ARHGAP28: variants seen among roughly 807,000 people sequenced by gnomAD.
ARHGAP28 encodes Rho GTPase activating protein 28.
Under a neutral mutation model 90.7 loss-of-function variants are expected in ARHGAP28, and 56 were observed. That is an observed-to-expected ratio of 0.62 (90% CI 0.50 to 0.77). The LOEUF is 0.77. Ranked by LOEUF, ARHGAP28 falls within the 30% of genes least tolerant of loss-of-function variation. The probability of loss-of-function intolerance (pLI) is 0.00; values close to 1 mark genes in which losing one functional copy is unlikely to be tolerated. For synonymous variants in ARHGAP28, 308 were observed against 323.3 expected (o/e 0.95, Z 0.51); for missense variants, 869 against 900.9 (o/e 0.96, Z 0.45).
chr18:6,837,949 G>A (rs982609541), intron 3 of ARHGAP28, among the ~76,000 whole-genome samples: 1 of 152,108 alleles, frequency 6.6e-6, no homozygotes, highest in Non-Finnish European at 1.5e-5. Flanking sequence ...TATGATAAAC[G>A]GCTGGTTGAA....
chr18:6,834,162 T>TA (rs35799752), intron 2 of ARHGAP28, among the ~76,000 whole-genome samples: 93,645 of 150,060 alleles, frequency 0.62, 30,914 homozygotes, highest in South Asian at 0.74. Flanking sequence ...TTAGAGTGAT[T>TA]AAAAAAAAAG....
At chr18:6,818,295 G>C (rs2056605049) in intron 1 of ARHGAP28, among the ~76,000 whole-genome samples, 1 of 152,142 alleles carries the variant, frequency 6.6e-6, no homozygotes, top group Non-Finnish European at 1.5e-5. Context: ...AATATTTACA[G>C]CTATAAGCAG....
intron 16 of ARHGAP28, chr18:6,898,398 T>C (rs769021973): frequency 2.0e-6 from 2 of 993,554 alleles, no homozygotes; most frequent in South Asian, 1.3e-5. Flanking sequence ...TATACACATA[T>C]ACACACACAC....
At chr18:6,771,714 G>A (rs899237934) in intron 1 of ARHGAP28, among the ~76,000 whole-genome samples, 1 of 152,174 alleles carries the variant, frequency 6.6e-6, no homozygotes, top group East Asian at 1.9e-4. Context: ...ACCATATGTT[G>A]TTTCTGATCC....
At chr18:6,799,740 G>C (rs1030470191) in intron 1 of ARHGAP28, among the ~76,000 whole-genome samples, 4 of 152,130 alleles carry the variant, frequency 2.6e-5, no homozygotes, top group African/African-American at 9.7e-5. Flanking sequence ...TTAAACGTAA[G>C]ACCTAAAACC....
chr18:6,759,161 A>G (rs1381887028), intron 1 of ARHGAP28, among the ~76,000 whole-genome samples: 2 of 152,184 alleles, frequency 1.3e-5, no homozygotes, highest in African/African-American at 4.8e-5. Flanking sequence ...ATTCAGATAT[A>G]CTGGCAGCTG....
chr18:6,824,422 A>G (rs2056647088), intron 1 of ARHGAP28, among the ~76,000 whole-genome samples: 2 of 152,074 alleles, frequency 1.3e-5, no homozygotes, highest in Non-Finnish European at 2.9e-5. Flanking sequence ...CTGTAATCCC[A>G]GCTACTCGGG....
intron 1 of ARHGAP28, among the ~76,000 whole-genome samples, chr18:6,821,048 T>C (rs895018124): frequency 1.4e-4 from 21 of 152,254 alleles, no homozygotes; most frequent in African/African-American, 4.6e-4. Context: ...ACAACAATAA[T>C]AACTATTGGG....
chr18:6,759,924 G>A (rs76958519), intron 1 of ARHGAP28, among the ~76,000 whole-genome samples: 136 of 152,272 alleles, frequency 8.9e-4, no homozygotes, highest in African/African-American at 1.7e-3. Context: ...CAACAAGAAG[G>A]CTATGCTAAT....
chr18:6,894,887 G>T lies in ARHGAP28; in HGVS notation c.1901G>T (p.Arg634Leu). 1.2e-6 allele frequency: 2 copies of T among 1,613,868 alleles called. No homozygotes were observed. The highest frequency in any genetic ancestry group is 1.7e-6 in the Non-Finnish European group (2 of 1,179,898). ...CTGCAAAAATCACCCTCGGCAAGAC[G>T]AATGGTAAGAAAAATAATTTCTTTT... Reference protein sequence around the residue: ...KVLQKSPSARRMSDVPEGVIR... With the variant: ...KVLQKSPSARLMSDVPEGVIR... The change falls in exon 15 of 18, where the codon CGA becomes CTA. Residue 634 changes from arginine to leucine, a missense_variant. By Grantham distance (102) the Arg-to-Leu change is moderately radical. Transcript: ENST00000383472.
At chr18:6,748,796 G>A (rs1012980787) in intron 1 of ARHGAP28, among the ~76,000 whole-genome samples, 4 of 152,078 alleles carry the variant, frequency 2.6e-5, no homozygotes, top group Admixed American at 2.6e-4. Context: ...AGGAAAACAA[G>A]GGAAATTAAT....
intron 1 of ARHGAP28, among the ~76,000 whole-genome samples, chr18:6,802,473 G>A (rs1337854381): frequency 6.7e-6 from 1 of 148,386 alleles, no homozygotes; most frequent in African/African-American, 2.5e-5. Flanking sequence ...AGCCTTTTGA[G>A]TAGCTGGGAT....
At chr18:6,789,850 CAG>C (rs752463373) in intron 1 of ARHGAP28, 2 of 149,260 alleles carry the variant, frequency 1.3e-5, no homozygotes, top group South Asian at 2.1e-4. Context: ...TTTTTTGAGA[CAG>C]AGTCTCACTC....
intron 1 of ARHGAP28, among the ~76,000 whole-genome samples, chr18:6,807,404 A>G: frequency 6.6e-6 from 1 of 151,738 alleles, no homozygotes; most frequent in Middle Eastern, 3.2e-3. Flanking sequence ...TTTTTTTATT[A>G]GGGGCTGGAT....
intron 1 of ARHGAP28, among the ~76,000 whole-genome samples, chr18:6,745,583 T>TGTTA (rs1434793777): frequency 1.3e-5 from 2 of 152,216 alleles, no homozygotes; most frequent in African/African-American, 4.8e-5. Flanking sequence ...CAAAACAAGA[T>TGTTA]ATATAACATC....
At chr18:6,808,591 G>A (rs1182305334) in intron 1 of ARHGAP28, among the ~76,000 whole-genome samples, 1 of 152,072 alleles carries the variant, frequency 6.6e-6, no homozygotes, top group Admixed American at 6.6e-5. Context: ...TATTTTTTCG[G>A]GGGTTACATT....
chr18:6,810,770 C>G (rs932905533), intron 1 of ARHGAP28, among the ~76,000 whole-genome samples: 12 of 151,584 alleles, frequency 7.9e-5, no homozygotes, highest in African/African-American at 2.9e-4. Context: ...TTGTGAGGTG[C>G]CAGTAGATAA....
chr18:6,873,787 G>A lies in ARHGAP28; in HGVS notation c.1212+12G>A, dbSNP rs111851327. ...TGGTATTACAAAAAGTGAGTAGCAGGCAAATGAAAGGGGAATTCACAGAGC... is the reference window on the plus strand; with the variant it reads ...TGGTATTACAAAAAGTGAGTAGCAGACAAATGAAAGGGGAATTCACAGAGC... On this transcript the variant is annotated intron_variant, in intron 9 of 17. Coordinates refer to ENST00000383472, the MANE Select transcript of ARHGAP28 (RefSeq NM_001366230.1). 12 of 1,606,604 alleles carry A rather than the reference G, an allele frequency of 7.5e-6. No homozygotes were observed. Among genetic ancestry groups the A allele is most frequent in the South Asian group, 3.3e-5 (3 of 90,566 alleles).
intron 1 of ARHGAP28, among the ~76,000 whole-genome samples, chr18:6,813,282 C>A (rs1043449027): frequency 6.6e-6 from 1 of 152,188 alleles, no homozygotes; most frequent in African/African-American, 2.4e-5. Context: ...AAATGTCATT[C>A]ATGTTTAATA....
Sources: gnomAD v4.1 joint callset for allele counts (sites outside exome capture counted in the v4.1 genomes callset) on GRCh38, gnomAD v4.1.1 for gene constraint, MANE v1.5 for transcripts, NCBI Gene and HGNC (gene_info 2026-07-23, HGNC 2026-07-21) for gene names.